GRAMD4: variants seen among roughly 807,000 people sequenced by gnomAD.
The protein encoded by GRAMD4 is GRAM domain containing 4, also known as GRAM domain-containing protein 4.
In GRAMD4, 25 loss-of-function variants were observed where a neutral mutation model predicts 83.9. The observed-to-expected ratio is 0.30, with a 90% confidence interval of 0.22 to 0.42. The LOEUF (loss-of-function observed/expected upper bound fraction) is 0.42, where lower values mean the gene tolerates loss of function less well. Among genes scored for constraint, GRAMD4 ranks in the 10% least tolerant of loss-of-function variants. The pLI, the probability that GRAMD4 is intolerant of heterozygous loss-of-function variation, is 1.00. For synonymous variants in GRAMD4, 336 were observed against 320.9 expected (o/e 1.05, Z -0.50); for missense variants, 593 against 788.7 (o/e 0.75, Z 2.97).
At position 46,593,099 on chromosome 22, in the gene GRAMD4, C is replaced by T. The variant is rs543845636; in HGVS notation, c.-50+15809C>T. Among the ~76,000 whole-genome samples, 5 of 152,168 alleles carry T rather than the reference C, an allele frequency of 3.3e-5. No homozygotes were observed. The South Asian group carries it at 8.3e-4, about 25-fold the overall frequency. On this transcript the variant is annotated intron_variant, in intron 1 of 1. Coordinates refer to the GRAMD4 transcript ENST00000431155. ...ACCGTTCTCAAATACTTGAGAGTAA[C>T]GTGTTTGCTTAAGTAACATCGATAT...
At position 46,636,853 on chromosome 22, in the gene GRAMD4, G is replaced by A. The variant is rs182659716; in HGVS notation, c.163-987G>A. On this transcript the variant is annotated intron_variant, in intron 2 of 18. Transcript: ENST00000406902. ...GCCCAGTCCCTGGGCTCCAGGCATC[G>A]GGCAGCTGTAGCCTGTAACTCGAGC... Among the ~76,000 whole-genome samples, 6 of 152,354 alleles carry A rather than the reference G, an allele frequency of 3.9e-5. No individual in the cohort carries two copies. The East Asian group carries it at 5.8e-4, about 15-fold the overall frequency.
chr22:46,655,545 C>A (rs1484725196), intron 3 of GRAMD4, among the ~76,000 whole-genome samples: 1 of 152,094 alleles, frequency 6.6e-6, no homozygotes, highest in Non-Finnish European at 1.5e-5. Context: ...GGTGAAGGGC[C>A]CCCGCCCAAA....
At chr22:46,596,690 A>G (rs1320118857) in intron 1 of GRAMD4, among the ~76,000 whole-genome samples, 2 of 152,210 alleles carry the variant, frequency 1.3e-5, no homozygotes, top group African/African-American at 2.4e-5. Flanking sequence ...AGCTGGGACT[A>G]CAGGCACATG....
In GRAMD4 at chr22:46,659,565, C is replaced by T. The variant is rs991422639; in HGVS notation, c.404+1258C>T. 3.3e-5 allele frequency among the ~76,000 whole-genome samples: 5 copies of T among 152,246 alleles called. No homozygotes were observed. The highest frequency in any genetic ancestry group is 1.9e-4 in the East Asian group (1 of 5,192). On this transcript the variant is annotated intron_variant, in intron 4 of 18. Transcript: ENST00000406902. The surrounding 1 kb of genome is among the most constrained non-coding windows in gnomAD (Gnocchi z 4.1). Reference sequence around the variant, plus strand: ...GTGTCATTGTCAGGACTCCAAGTGTCGCTGCTTAGCTGGCCCTGAGGAAGC... The same window carrying T: ...GTGTCATTGTCAGGACTCCAAGTGTTGCTGCTTAGCTGGCCCTGAGGAAGC...
At chr22:46,604,429 G>A (rs1272035513) in intron 1 of GRAMD4, among the ~76,000 whole-genome samples, 1 of 151,856 alleles carries the variant, frequency 6.6e-6, no homozygotes, top group Non-Finnish European at 1.5e-5. Context: ...TAACCATTTC[G>A]GAGTGTGTCA....
intron 1 of GRAMD4, among the ~76,000 whole-genome samples, chr22:46,608,583 G>A (rs1224370836): frequency 1.3e-5 from 2 of 152,108 alleles, no homozygotes; most frequent in South Asian, 2.1e-4. Flanking sequence ...GGAGGCAGAG[G>A]CAGAAGAATT....
In GRAMD4 at chr22:46,614,755, C is replaced by T. The variant is rs142302343; in HGVS notation, c.-49-11996C>T. ...AGTAAACATAGGACATGTGCCTGTG[C>T]GTGTAGGTTCCCCTGTGCGTGTAGG... is the stretch of plus-strand genomic sequence containing the variant. On this transcript the variant is annotated intron_variant, in intron 1 of 1. Transcript: ENST00000431155. Among the ~76,000 whole-genome samples, 74 of 152,076 alleles carry T rather than the reference C, an allele frequency of 4.9e-4. No homozygotes were observed. In the East Asian group the frequency reaches 0.013, roughly 27 times the overall value.
chr22:46,591,084 CAAACCCAAAA>C (rs1464450354), intron 1 of GRAMD4, among the ~76,000 whole-genome samples: 2 of 145,050 alleles, frequency 1.4e-5, no homozygotes, highest in Admixed American at 1.4e-4. Flanking sequence ...AAAAAACAAA[CAAACCCAAAA>C]AACAGCCAGA....
rs149575996 is a variant in GRAMD4, at chr22:46,673,874, G to A, written c.1384+60G>A. 6.7e-4 allele frequency: 1,062 copies of A among 1,579,178 alleles called. 12 individuals are homozygous for A. The East Asian group carries it at 0.011, about 16-fold the overall frequency. On this transcript the variant is annotated intron_variant, in intron 15 of 18. Coordinates refer to ENST00000406902, the MANE Select transcript of GRAMD4 (RefSeq NM_015124.5). Reference sequence around the variant, plus strand: ...GCCGACACAGACTGAAGGCCCGTGAGGGGGGCGCTGTGGATGCAGGACGGG... The same window carrying A: ...GCCGACACAGACTGAAGGCCCGTGAAGGGGGCGCTGTGGATGCAGGACGGG...
Position 46,648,807 on chromosome 22 carries a change from G to GATGC in GRAMD4, c.284-9377_284-9376insCATG, listed in dbSNP as rs1569288332. 6.7e-4 allele frequency among the ~76,000 whole-genome samples: 52 copies of GATGC among 77,098 alleles called. 5 individuals are homozygous for GATGC. The East Asian group carries it at 8.0e-3, about 12-fold the overall frequency. 50.6% of individuals were successfully genotyped at this position (77,098 alleles called of 152,430 possible). On this transcript the variant is annotated intron_variant, in intron 3 of 18. Coordinates refer to ENST00000406902, the MANE Select transcript of GRAMD4 (RefSeq NM_015124.5). ...GGATGGATGGATGGATGGATGCATG[G>GATGC]ATGGATGGATGGATGGATGGATGGA...
chr22:46,668,657 G>C (rs754153413), intron 11 of GRAMD4, 32 bp from the exon 12 acceptor site: 2 of 1,604,802 alleles, frequency 1.2e-6, no homozygotes, highest in Non-Finnish European at 1.7e-6. Flanking sequence ...AGGAGCGGGG[G>C]CTGTTGTAAT....
At chr22:46,595,898 G>C (rs1207293392) in intron 1 of GRAMD4, among the ~76,000 whole-genome samples, 1 of 151,908 alleles carries the variant, frequency 6.6e-6, no homozygotes, top group Admixed American at 6.6e-5. Flanking sequence ...GCTTACCCAG[G>C]GAGGCTGAGG....
intron 1 of GRAMD4, among the ~76,000 whole-genome samples, chr22:46,610,087 T>C (rs1236788239): frequency 1.3e-5 from 2 of 152,188 alleles, no homozygotes; most frequent in African/African-American, 4.8e-5. Flanking sequence ...TTCACCAAGC[T>C]TCTTCTGCCC....
chr22:46,670,751 G>T (rs2082489804), intron 13 of GRAMD4, among the ~76,000 whole-genome samples: 1 of 152,138 alleles, frequency 6.6e-6, no homozygotes, highest in South Asian at 2.1e-4. Context: ...GATTACAGGG[G>T]TGCACCACCA....
chr22:46,605,964 G>T (rs914663985), intron 1 of GRAMD4, among the ~76,000 whole-genome samples: 1 of 125,250 alleles, frequency 8.0e-6, no homozygotes, highest in Non-Finnish European at 1.7e-5. Context: ...GGCTGGTGCT[G>T]AGCATCTCTG....
chr22:46,616,254 G>T (rs1241346730), upstream of GRAMD4, among the ~76,000 whole-genome samples: 1 of 40,028 alleles, frequency 2.5e-5, no homozygotes, highest in African/African-American at 1.0e-4. Context: ...AGGTTCCCCC[G>T]TGCGTGTAGG....
downstream of GRAMD4, among the ~76,000 whole-genome samples, chr22:46,681,345 G>A (rs745724414): frequency 1.9e-4 from 29 of 152,218 alleles, no homozygotes; most frequent in South Asian, 4.1e-4. Context: ...CCTGTTTTGC[G>A]TATATTTCAC....
upstream of GRAMD4, among the ~76,000 whole-genome samples, chr22:46,615,643 C>G (rs1601563454): frequency 8.6e-6 from 1 of 115,894 alleles, no homozygotes; most frequent in African/African-American, 3.4e-5. Flanking sequence ...TGTAGGTTCC[C>G]CTGTGCGTGT....
intron 15 of GRAMD4, among the ~76,000 whole-genome samples, chr22:46,674,081 G>A (rs1204438953): frequency 6.6e-6 from 1 of 152,248 alleles, no homozygotes; most frequent in East Asian, 1.9e-4. Flanking sequence ...GCAACACACT[G>A]GGGAGAGAGT....
Sources: allele counts gnomAD v4.1 joint callset (sites outside exome capture counted in the v4.1 genomes callset), GRCh38; gene constraint gnomAD v4.1.1; non-coding constraint Gnocchi (gnomAD v3.1); transcripts MANE v1.5; gene names NCBI Gene and HGNC (gene_info 2026-07-23, HGNC 2026-07-21).